ARHGAP6: variants seen among roughly 807,000 people sequenced by gnomAD.
The protein encoded by ARHGAP6 is rho GTPase-activating protein 6.
ARHGAP6 carries 16 observed loss-of-function variants against 55.7 expected under a neutral mutation model. The observed-to-expected ratio is 0.29, with a 90% confidence interval of 0.19 to 0.44. The LOEUF is 0.44. ARHGAP6 is among the 20% of genes least tolerant of loss of function. The probability of loss-of-function intolerance (pLI) is 1.00; values close to 1 mark genes in which losing one functional copy is unlikely to be tolerated. For missense variants in ARHGAP6, 698 were observed against 808.9 expected (o/e 0.86, Z 1.66); for synonymous variants, 382 against 360.9 (o/e 1.06, Z -0.66).
chrX:11,176,921 C>T (rs935933107), intron 8 of ARHGAP6, among the ~76,000 whole-genome samples: 4 of 111,510 alleles, frequency 3.6e-5, no homozygotes, highest in African/African-American at 9.8e-5. Context: ...AGGAGGAGGA[C>T]GAGAAGAAAT....
At position 11,284,775 on chromosome X, in the gene ARHGAP6, T is replaced by C. The variant is rs1427361834; in HGVS notation, c.589-30068A>G. ...CTTCAATGCTACTGACATTTGGGGT[T>C]GGATAATTCTTTATTTGGGGGGCTT... On this transcript the variant is annotated intron_variant, in intron 1 of 12. Transcript: ENST00000337414. 3.6e-5 allele frequency among the ~76,000 whole-genome samples: 4 copies of C among 111,611 alleles called. No homozygotes were observed. The East Asian group carries it at 1.1e-3, about 32-fold the overall frequency.
intron 10 of ARHGAP6, among the ~76,000 whole-genome samples, chrX:11,150,430 T>A (rs866564096): frequency 9.4e-6 from 1 of 106,193 alleles, no homozygotes; most frequent in African/African-American, 3.8e-5. Context: ...TTGTGTATAT[T>A]TTTTTTTCCC....
intron 1 of ARHGAP6, among the ~76,000 whole-genome samples, chrX:11,496,025 T>C (rs145734481): frequency 1.4e-3 from 156 of 111,981 alleles, no homozygotes; most frequent in African/African-American, 5.0e-3. Context: ...AGCTGGTAAA[T>C]AGGGCCTTCC....
intron 1 of ARHGAP6, chrX:11,335,841 G>A (rs761706110): frequency 3.3e-4 from 78 of 234,810 alleles, no homozygotes; most frequent in African/African-American, 2.1e-3. Flanking sequence ...GCCATGGTGG[G>A]GAGGCCTAGG....
intron 2 of ARHGAP6, among the ~76,000 whole-genome samples, chrX:11,234,194 A>C (rs750296893): frequency 8.9e-6 from 1 of 112,432 alleles, no homozygotes; most frequent in South Asian, 3.7e-4. Flanking sequence ...AACGTGATTT[A>C]GTTGTTTTTC....
At chrX:11,375,308 G>A (rs1460480956) in intron 1 of ARHGAP6, among the ~76,000 whole-genome samples, 1 of 111,948 alleles carries the variant, frequency 8.9e-6, no homozygotes, top group African/African-American at 3.2e-5. Context: ...TTCTGCAACT[G>A]ATCAAATGCT....
intron 1 of ARHGAP6, among the ~76,000 whole-genome samples, chrX:11,283,659 A>T (rs2047888133): frequency 8.9e-6 from 1 of 112,017 alleles, no homozygotes; most frequent in Admixed American, 9.5e-5. Context: ...AGCAACTTAA[A>T]TGTGGAACAG....
At chrX:11,411,022 AC>A (rs2049673835) in intron 1 of ARHGAP6, among the ~76,000 whole-genome samples, 1 of 105,576 alleles carries the variant, frequency 9.5e-6, no homozygotes, top group Admixed American at 1.0e-4. Context: ...ACCTCTTTAA[AC>A]AAGGGGAATG....
intron 1 of ARHGAP6, among the ~76,000 whole-genome samples, chrX:11,507,149 A>C (rs1223803952): frequency 1.8e-5 from 2 of 111,839 alleles, no homozygotes; most frequent in Non-Finnish European, 3.8e-5. Context: ...TTCAGTAGAG[A>C]AAGTTGAGTC....
rs191237037 is a variant in ARHGAP6 at position 11,663,156 on chromosome X, C to T, written c.588+1085G>A. ...ATAAATGATGCTTATTTTTCTAAGGCGGTTTACTAAAGCCAAAGTCTAACA... is the reference window on the plus strand; with the variant it reads ...ATAAATGATGCTTATTTTTCTAAGGTGGTTTACTAAAGCCAAAGTCTAACA... On this transcript the variant is annotated intron_variant, in intron 1 of 12. Transcript: ENST00000337414. Among the ~76,000 whole-genome samples the T allele has an allele frequency of 2.7e-4, 30 of 112,229 alleles. No homozygotes were observed. In the East Asian group the frequency reaches 5.3e-3, roughly 20 times the overall value.
intron 1 of ARHGAP6, among the ~76,000 whole-genome samples, chrX:11,619,868 C>T (rs1370053110): frequency 8.9e-6 from 1 of 111,889 alleles, no homozygotes; most frequent in Non-Finnish European, 1.9e-5. Flanking sequence ...TCCAAATTGG[C>T]TACATTTCAC....
intron 1 of ARHGAP6, among the ~76,000 whole-genome samples, chrX:11,385,902 A>ATAC (rs1363373261): frequency 8.9e-6 from 1 of 112,646 alleles, no homozygotes; most frequent in African/African-American, 3.2e-5. Flanking sequence ...CTAGCTTGAT[A>ATAC]TACTAGTATT....
intron 1 of ARHGAP6, among the ~76,000 whole-genome samples, chrX:11,366,167 G>T (rs1034074217): frequency 1.8e-5 from 2 of 112,011 alleles, no homozygotes; most frequent in African/African-American, 6.5e-5. Flanking sequence ...AATTTTGGTG[G>T]GACGCAAACA....
chrX:11,398,984 A>G (rs747024157), intron 1 of ARHGAP6, among the ~76,000 whole-genome samples: 12 of 112,261 alleles, frequency 1.1e-4, no homozygotes, highest in African/African-American at 3.9e-4. Flanking sequence ...TCACTGTTTC[A>G]AAATAACTTA....
intron 1 of ARHGAP6, among the ~76,000 whole-genome samples, chrX:11,424,048 A>G (rs1012169229): frequency 3.5e-5 from 4 of 112,779 alleles, no homozygotes; most frequent in Non-Finnish European, 5.6e-5. Context: ...TGGCCATGCA[A>G]TTTGACAATA....
intron 1 of ARHGAP6, among the ~76,000 whole-genome samples, chrX:11,552,585 TATATATATATATATAG>T (rs1199903737): frequency 3.1e-5 from 2 of 63,590 alleles, no homozygotes; most frequent in African/African-American, 1.3e-4. Flanking sequence ...TATATATATA[TATATATATATATATAG>T]ACACACACAC....
At chrX:11,254,483 C>T (rs2047464693) in intron 2 of ARHGAP6, 65 bp downstream of exon 2, 66 of 1,154,119 alleles carry the variant, frequency 5.7e-5, no homozygotes, top group Non-Finnish European at 7.4e-5. Context: ...TCACAGCTCA[C>T]GGCTTTGGCA....
chrX:11,440,547 A>G (rs749278688), intron 1 of ARHGAP6, among the ~76,000 whole-genome samples: 5 of 111,406 alleles, frequency 4.5e-5, no homozygotes, highest in Non-Finnish European at 7.5e-5. Flanking sequence ...AACTCCCATT[A>G]GCCTCTCTGG....
chrX:11,636,308 A>G (rs895846543), intron 1 of ARHGAP6, among the ~76,000 whole-genome samples: 2 of 112,186 alleles, frequency 1.8e-5, no homozygotes, highest in Non-Finnish European at 3.8e-5. Context: ...ACCATCAACA[A>G]GAGAATGCTT....
Sources: gnomAD v4.1 joint callset for allele counts (sites outside exome capture counted in the v4.1 genomes callset) on GRCh38, gnomAD v4.1.1 for gene constraint, MANE v1.5 for transcripts, NCBI Gene and HGNC (gene_info 2026-07-23, HGNC 2026-07-21) for gene names.